Variants in ZDHHC21 observed in about 807,000 individuals in gnomAD.
ZDHHC21 encodes zDHHC palmitoyltransferase 21.
ZDHHC21 carries 15 observed loss-of-function variants against 34.6 expected under a neutral mutation model. The observed-to-expected ratio is 0.43, with a 90% confidence interval of 0.29 to 0.67. The LOEUF is 0.67. Ranked by LOEUF, ZDHHC21 falls within the 30% of genes least tolerant of loss-of-function variation. The pLI, the probability that ZDHHC21 is intolerant of heterozygous loss-of-function variation, is 0.14. For missense variants in ZDHHC21, 344 were observed against 327.7 expected (o/e 1.05, Z -0.38); for synonymous variants, 142 against 101.8 (o/e 1.40, Z -2.38).
At chr9:14,626,712 G>A (rs1027246260) in intron 8 of ZDHHC21, among the ~76,000 whole-genome samples, 4 of 151,638 alleles carry the variant, frequency 2.6e-5, no homozygotes, top group Admixed American at 6.6e-5. Flanking sequence ...AATGCCCTTG[G>A]CAAGGGGGAA....
At chr9:14,619,177 G>C in intron 9 of ZDHHC21, 79 bp from the exon 10 acceptor site, 1 of 1,441,298 alleles carries the variant, frequency 6.9e-7, no homozygotes, top group Middle Eastern at 2.6e-4. Context: ...CAGATTGGCT[G>C]GGGATCCATT....
the ZDHHC21 span, among the ~76,000 whole-genome samples, chr9:14,599,406 C>G: frequency 6.6e-6 from 1 of 152,188 alleles, no homozygotes; most frequent in Admixed American, 6.5e-5. Context: ...AGGGACAATG[C>G]TATCCAGCCC....
At chr9:14,683,837 A>T (rs1450728088) in intron 2 of ZDHHC21, 2 of 152,216 alleles carry the variant, frequency 1.3e-5, no homozygotes, top group African/African-American at 4.8e-5. Context: ...GCAGCACATC[A>T]AAAAGCTTAC....
At chr9:14,626,212 A>G (rs1210066541) in intron 8 of ZDHHC21, among the ~76,000 whole-genome samples, 1 of 152,096 alleles carries the variant, frequency 6.6e-6, no homozygotes, top group East Asian at 1.9e-4. Flanking sequence ...GAATAATAAT[A>G]TATCAATAAA....
rs1210025188 is a variant in ZDHHC21, at chr9:14,614,410, G to C, written c.*4556C>G. On this transcript the variant is annotated 3_prime_UTR_variant, in exon 10 of 10. Coordinates refer to ENST00000380916, the MANE Select transcript of ZDHHC21 (RefSeq NM_178566.6). ...GTTTTGTTGCTAAAAATTGCACAAT[G>C]ATAATAAAAGAAGTCAGAAAAGTCA... 2 of 151,712 alleles carry C rather than the reference G, an allele frequency of 1.3e-5. No individual in the cohort carries two copies. Among genetic ancestry groups the C allele is most frequent in the Non-Finnish European group, 3.0e-5 (2 of 67,742 alleles). 9.4% of individuals were successfully genotyped at this position (151,712 alleles called of 1,614,324 possible).
intron 8 of ZDHHC21, among the ~76,000 whole-genome samples, chr9:14,619,965 T>C (rs1825002925): frequency 6.6e-6 from 1 of 152,010 alleles, no homozygotes; most frequent in South Asian, 2.1e-4. Flanking sequence ...TTTATTACAC[T>C]TGCTTTCTTG....
chr9:14,591,328 T>C, the ZDHHC21 span, among the ~76,000 whole-genome samples: 1 of 152,236 alleles, frequency 6.6e-6, no homozygotes, highest in African/African-American at 2.4e-5. Context: ...ATGAACAGAT[T>C]AGTGCCTTAT....
chr9:14,624,482 G>C (rs1222609800), intron 8 of ZDHHC21, among the ~76,000 whole-genome samples: 1 of 151,946 alleles, frequency 6.6e-6, no homozygotes, highest in Non-Finnish European at 1.5e-5. Context: ...ATACTAATCG[G>C]CCAAAAAAAG....
intron 7 of ZDHHC21, among the ~76,000 whole-genome samples, chr9:14,642,809 ATTTTC>A (rs1829606654): frequency 6.6e-6 from 1 of 152,320 alleles, no homozygotes; most frequent in African/African-American, 2.4e-5. Flanking sequence ...ACTTTGTTGT[ATTTTC>A]TTAAGACAGG....
rs1302537505 is a variant in ZDHHC21 at position 14,616,366 on chromosome 9, A to C, written c.*2600T>G. The C allele has an allele frequency of 6.6e-6, 1 of 151,854 alleles. No homozygotes were observed. Among genetic ancestry groups the C allele is most frequent in the East Asian group, 1.9e-4 (1 of 5,186 alleles). The allele number at this position is 151,854 out of a possible 1,614,324, so 9.4% of individuals were successfully genotyped here. A position where few individuals can be genotyped will look rare whatever the true frequency, so the allele number is the denominator to read the frequency against. On this transcript the variant is annotated 3_prime_UTR_variant, in exon 10 of 10. Coordinates refer to ENST00000380916, the MANE Select transcript of ZDHHC21 (RefSeq NM_178566.6). The stretch of plus-strand genomic sequence containing the variant: ...GACAGCAAGAATATAATGGGAACGT[A>C]CATAAATGAAGCAAAGCAGTCATCA...
At chr9:14,643,724 A>T (rs574962845) in intron 7 of ZDHHC21, among the ~76,000 whole-genome samples, 3 of 152,354 alleles carry the variant, frequency 2.0e-5, no homozygotes, top group Admixed American at 2.0e-4. Context: ...AGTGAAAGAT[A>T]GGAATCTGAA....
chr9:14,640,091 A>T (rs900802757), intron 7 of ZDHHC21, 79 bp from the exon 8 acceptor site: 6 of 710,010 alleles, frequency 8.5e-6, no homozygotes, highest in African/African-American at 1.8e-5. Context: ...TCAAGAATTG[A>T]GCCATAACAC....
the ZDHHC21 span, among the ~76,000 whole-genome samples, chr9:14,592,301 C>T: frequency 1.3e-5 from 2 of 151,984 alleles, 1 homozygote; most frequent in Non-Finnish European, 2.9e-5. Flanking sequence ...CGGTAAAATA[C>T]AGAAACTTTG....
chr9:14,607,749 T>C (rs903058511), downstream of ZDHHC21, among the ~76,000 whole-genome samples: 1 of 152,196 alleles, frequency 6.6e-6, no homozygotes, highest in Non-Finnish European at 1.5e-5. Context: ...CTACATACCA[T>C]GTTTAAAACA....
chr9:14,603,799 G>A, the ZDHHC21 span, among the ~76,000 whole-genome samples: 2 of 152,138 alleles, frequency 1.3e-5, no homozygotes, highest in Non-Finnish European at 2.9e-5. Context: ...AGTGGATCCT[G>A]AACTTTAGAG....
At chr9:14,631,239 C>G (rs887136956) in intron 8 of ZDHHC21, among the ~76,000 whole-genome samples, 1 of 152,238 alleles carries the variant, frequency 6.6e-6, no homozygotes, top group Non-Finnish European at 1.5e-5. Flanking sequence ...GCACTTGCTG[C>G]TTCACCTTGC....
intron 3 of ZDHHC21, among the ~76,000 whole-genome samples, chr9:14,674,646 ACAGGTATAAACTGGAAT>A (rs1836038654): frequency 1.3e-5 from 2 of 152,032 alleles, no homozygotes; most frequent in African/African-American, 4.8e-5. Flanking sequence ...AACTGCTATC[ACAGGTATAAACTGGAAT>A]CATCTACTGA....
chr9:14,667,319 A>G (rs1438295530), intron 5 of ZDHHC21, among the ~76,000 whole-genome samples: 1 of 150,030 alleles, frequency 6.7e-6, no homozygotes, highest in African/African-American at 2.4e-5. Context: ...GAATCTCTGA[A>G]TAGACGAATA....
chr9:14,682,835 A>C (rs956986035), intron 2 of ZDHHC21, among the ~76,000 whole-genome samples: 1 of 152,132 alleles, frequency 6.6e-6, no homozygotes, highest in Non-Finnish European at 1.5e-5. Flanking sequence ...ACAACAAACT[A>C]TCTCTCAGAC....
Sources: gnomAD v4.1 joint callset for allele counts (sites outside exome capture counted in the v4.1 genomes callset) on GRCh38, gnomAD v4.1.1 for gene constraint, MANE v1.5 for transcripts, NCBI Gene and HGNC (gene_info 2026-07-23, HGNC 2026-07-21) for gene names.